The following ACTG2 variants were observed in gnomAD, a reference collection of about 807,000 sequenced individuals.
The protein encoded by ACTG2 is actin, gamma-enteric smooth muscle.
Under a neutral mutation model 37.6 loss-of-function variants are expected in ACTG2, and 16 were observed. The ratio of observed to expected loss-of-function variants is 0.43; its 90% CI spans 0.29 to 0.65. The LOEUF (loss-of-function observed/expected upper bound fraction) is 0.65. Ranked by LOEUF, ACTG2 falls within the 30% of genes least tolerant of loss-of-function variation. The pLI, the probability that ACTG2 is intolerant of heterozygous loss-of-function variation, is 0.18. For synonymous variants in ACTG2, 181 were observed against 179.9 expected (o/e 1.01, Z -0.05); for missense variants, 238 against 490.9 (o/e 0.48, Z 4.87).
chr2:73,917,467 C>T (rs1357709863), intron 8 of ACTG2, among the ~76,000 whole-genome samples: 1 of 152,228 alleles, frequency 6.6e-6, no homozygotes, highest in Non-Finnish European at 1.5e-5. Context: ...CTCTCGCCTC[C>T]TGGGCATCTG....
At chr2:73,912,869 T>C (rs10169974) in intron 5 of ACTG2, among the ~76,000 whole-genome samples, 95,533 of 151,866 alleles carry the variant, frequency 0.63, 30,505 homozygotes, top group Admixed American at 0.73. Context: ...ATGTGGCTGT[T>C]AGATTAAGAA....
At position 73,919,755 on chromosome 2, in the gene ACTG2, G is replaced by C; in HGVS notation, c.*180G>C. The stretch of plus-strand genomic sequence containing the variant: ...ATCCATGCAATAGTGCTGTAAGGTA[G>C]GTGCTATCATTATACCCATATTACA... On this transcript the variant is annotated 3_prime_UTR_variant, in exon 9 of 9. Coordinates refer to ENST00000345517, the MANE Select transcript of ACTG2 (RefSeq NM_001615.4). The C allele has an allele frequency of 8.4e-6, 5 of 596,402 alleles. No homozygotes were observed. The South Asian group carries it at 1.6e-4, about 19-fold the overall frequency. The allele number at this position is 596,402 out of a possible 1,614,324, so 36.9% of individuals were successfully genotyped here.
At chr2:73,900,830 C>T (rs1679857005) in intron 1 of ACTG2, among the ~76,000 whole-genome samples, 1 of 152,100 alleles carries the variant, frequency 6.6e-6, no homozygotes, top group Non-Finnish European at 1.5e-5. Context: ...GGTGTCCTTC[C>T]AGAACTTTTA....
chr2:73,899,905 T>C (rs1279220986), intron 1 of ACTG2, among the ~76,000 whole-genome samples: 1 of 152,194 alleles, frequency 6.6e-6, no homozygotes, highest in Non-Finnish European at 1.5e-5. Context: ...TGAGCCTTGC[T>C]TTGAACATAT....
chr2:73,907,743 G>C (rs1573467902), intron 3 of ACTG2, among the ~76,000 whole-genome samples: 2 of 152,282 alleles, frequency 1.3e-5, no homozygotes, highest in South Asian at 4.1e-4. Flanking sequence ...AAGGACATTT[G>C]GCAATGTCTG....
At chr2:73,901,576 GTGTGT>G in intron 2 of ACTG2, 139 bp downstream of exon 2, 1 of 182,590 alleles carries the variant, frequency 5.5e-6, no homozygotes. Flanking sequence ...GTGTGTGTGT[GTGTGT>G]CTGTGCGTGT....
At chr2:73,901,548 GT>G in intron 2 of ACTG2, 111 bp downstream of exon 2, 1 of 88,238 alleles carries the variant, frequency 1.1e-5, no homozygotes, top group Admixed American at 6.1e-4. Context: ...GTGTGTGTGT[GT>G]GTGTGTGTGT....
intron 1 of ACTG2, among the ~76,000 whole-genome samples, chr2:73,894,196 A>G (rs1050941093): frequency 1.3e-5 from 2 of 152,114 alleles, no homozygotes; most frequent in Non-Finnish European, 2.9e-5. Context: ...AGGCCGAGAT[A>G]TGGCCTGATA....
At position 73,910,224 on chromosome 2, in the gene ACTG2, G is replaced by GTATATA. The variant is rs141216749; in HGVS notation, c.451+1093_451+1098dup. ...AGCGAGACTCCGTCTCAAAAAATAT[G>GTATATA]TATATATATATATTATTCTTTCTTC... On this transcript the variant is annotated intron_variant, in intron 5 of 8. Transcript: ENST00000345517. 3.2e-3 allele frequency among the ~76,000 whole-genome samples: 472 copies of GTATATA among 149,288 alleles called. 1 individual carries two copies. Among genetic ancestry groups the GTATATA allele is most frequent in the Middle Eastern group, 6.9e-3 (2 of 290 alleles).
At chr2:73,908,537 G>T (rs1680061703) in intron 3 of ACTG2, 136 bp from the exon 4 acceptor site, 2 of 753,606 alleles carry the variant, frequency 2.7e-6, no homozygotes, top group Non-Finnish European at 4.3e-6. Flanking sequence ...GAAATTTCCA[G>T]GGCTGACCAT....
rs767210199 is a variant in ACTG2, at chr2:73,901,263, C to G, written c.-36-13C>G. 2.0e-6 allele frequency: 3 copies of G among 1,503,852 alleles called. No homozygotes were observed. Among genetic ancestry groups the G allele is most frequent in the Non-Finnish European group, 2.7e-6 (3 of 1,120,140 alleles). 93.2% of individuals were successfully genotyped at this position (1,503,852 alleles called of 1,614,324 possible). A position where few individuals can be genotyped will look rare whatever the true frequency, so the allele number is the denominator to read the frequency against. ...AAGTGGCTGACTAGTTCTCTTCTCC[C>G]GCAAATCCCAAGGTGCTCCAGTCCC... On this transcript the variant is annotated splice_polypyrimidine_tract_variant and intron_variant, in intron 1 of 8. Transcript: ENST00000345517.
intron 3 of ACTG2, among the ~76,000 whole-genome samples, chr2:73,906,520 G>A (rs1221374574): frequency 6.6e-6 from 1 of 151,694 alleles, no homozygotes; most frequent in African/African-American, 2.4e-5. Context: ...TTCCTCTGTC[G>A]CCCAGGCCGG....
At chr2:73,910,461 C>T (rs10197651) in intron 5 of ACTG2, among the ~76,000 whole-genome samples, 1 of 108,884 alleles carries the variant, frequency 9.2e-6, no homozygotes, top group Non-Finnish European at 1.7e-5. Context: ...CTGTCTCCCA[C>T]GTTCAAACGA....
At chr2:73,913,871 G>A (rs150081990) in intron 6 of ACTG2, among the ~76,000 whole-genome samples, 3 of 152,294 alleles carry the variant, frequency 2.0e-5, no homozygotes, top group Non-Finnish European at 4.4e-5. Context: ...GTCCACACCA[G>A]GACTAGGGCT....
intron 1 of ACTG2, among the ~76,000 whole-genome samples, chr2:73,900,517 C>T (rs1679851810): frequency 6.6e-6 from 1 of 152,284 alleles, no homozygotes; most frequent in African/African-American, 2.4e-5. Context: ...GTAGGGAATC[C>T]TCTGTTGTCC....
chr2:73,916,253 G>A (rs1349978026), intron 7 of ACTG2, among the ~76,000 whole-genome samples: 2 of 151,894 alleles, frequency 1.3e-5, no homozygotes, highest in Non-Finnish European at 2.9e-5. Context: ...GCATGTGCTT[G>A]TAATCCCAGC....
At position 73,899,102 on chromosome 2, in the gene ACTG2, G is replaced by A. The variant is rs189832768; in HGVS notation, c.-36-2174G>A. Among the ~76,000 whole-genome samples the A allele has an allele frequency of 2.2e-3, 336 of 152,108 alleles. 1 individual carries two copies. The highest frequency in any genetic ancestry group is 3.9e-3 in the Non-Finnish European group (263 of 67,992). ...TGGGATTACAGGCGTGAGCCACCGC[G>A]CCCGGCCACAAGAACTTTCACAGTT... On this transcript the variant is annotated intron_variant, in intron 1 of 8. Transcript: ENST00000345517.
chr2:73,895,133 C>T (rs572352674), intron 1 of ACTG2, among the ~76,000 whole-genome samples: 2 of 152,128 alleles, frequency 1.3e-5, no homozygotes, highest in African/African-American at 2.4e-5. Flanking sequence ...GTGAGGGCAG[C>T]TCCGGGCAGA....
chr2:73,908,972 T>C, intron 4 of ACTG2, 83 bp from the exon 5 acceptor site: 2 of 1,411,292 alleles, frequency 1.4e-6, no homozygotes, highest in African/African-American at 1.4e-5. Flanking sequence ...TTCCTGCCCT[T>C]AATGAGATTA....
Sources: allele counts gnomAD v4.1 joint callset (sites outside exome capture counted in the v4.1 genomes callset), GRCh38; gene constraint gnomAD v4.1.1; transcripts MANE v1.5; gene names NCBI Gene and HGNC (gene_info 2026-07-23, HGNC 2026-07-21).